TFDP2: variants seen among roughly 807,000 people sequenced by gnomAD.
TFDP2 encodes the protein transcription factor Dp-2.
A neutral mutation model predicts 59.3 loss-of-function variants in TFDP2; 17 were observed. The ratio of observed to expected loss-of-function variants is 0.29; its 90% CI spans 0.20 to 0.43. TFDP2 has a LOEUF of 0.43. Among genes scored for constraint, TFDP2 ranks in the 20% least tolerant of loss-of-function variants. TFDP2 has a pLI of 1.00. For missense variants in TFDP2, 391 were observed against 528.8 expected (o/e 0.74, Z 2.56); for synonymous variants, 180 against 194.7 (o/e 0.92, Z 0.63).
intron 3 of TFDP2, among the ~76,000 whole-genome samples, chr3:142,068,250 G>T (rs2060135475): frequency 1.3e-5 from 2 of 152,026 alleles, no homozygotes. Context: ...TCTAGACACA[G>T]ATTCTTTATA....
chr3:142,046,530 G>A (rs1024688674), intron 3 of TFDP2, among the ~76,000 whole-genome samples: 3 of 152,174 alleles, frequency 2.0e-5, no homozygotes, highest in Non-Finnish European at 4.4e-5. Context: ...AATGATAAGA[G>A]AGATGGGAGG....
rs1030292952 is a variant in TFDP2 at position 141,950,192 on chromosome 3, G to A, written c.*2321C>T. The A allele has an allele frequency of 6.6e-6, 1 of 152,068 alleles. No individual in the cohort carries two copies. Among genetic ancestry groups the A allele is most frequent in the Admixed American group, 6.6e-5 (1 of 15,250 alleles). 9.4% of individuals were successfully genotyped at this position (152,068 alleles called of 1,614,324 possible). A position where few individuals can be genotyped will look rare whatever the true frequency, so the allele number is the denominator to read the frequency against. ...TTTAGACCCAGATAAATGTTGAGGG[G>A]GAATACAGAAGAGAATTGACCTTTC... On this transcript the variant is annotated 3_prime_UTR_variant, in exon 13 of 13. Coordinates refer to ENST00000489671, the MANE Select transcript of TFDP2 (RefSeq NM_001178139.2).
At chr3:142,097,394 T>C (rs561850707) in intron 2 of TFDP2, among the ~76,000 whole-genome samples, 16 of 152,124 alleles carry the variant, frequency 1.1e-4, no homozygotes, top group Non-Finnish European at 1.5e-4. Context: ...ATAAATAACA[T>C]AAAATAGCCA....
At chr3:142,019,647 AC>A (rs55808596) in intron 3 of TFDP2, among the ~76,000 whole-genome samples, 1 of 150,202 alleles carries the variant, frequency 6.7e-6, no homozygotes, top group Non-Finnish European at 1.5e-5. Flanking sequence ...TATATTAAAC[AC>A]CCCCCCCAAC....
intron 1 of TFDP2, among the ~76,000 whole-genome samples, chr3:142,104,902 A>C (rs1430049642): frequency 6.6e-6 from 1 of 152,180 alleles, no homozygotes; most frequent in Admixed American, 6.5e-5. Flanking sequence ...TGAAGTCAGC[A>C]TCTAATAAAT....
chr3:142,085,645 C>T (rs959800684), intron 3 of TFDP2, among the ~76,000 whole-genome samples: 1 of 152,232 alleles, frequency 6.6e-6, no homozygotes, highest in South Asian at 2.1e-4. Context: ...AACTGTACAT[C>T]TGAGCGCAAG....
chr3:142,044,254 A>C, intron 3 of TFDP2: 1 of 135,256 alleles, frequency 7.4e-6, no homozygotes, highest in Non-Finnish European at 1.3e-5. Flanking sequence ...TTTTTTTTTG[A>C]GCCGGAGTCT....
At chr3:142,101,158 C>T (rs762025292) in intron 2 of TFDP2, among the ~76,000 whole-genome samples, 41 of 152,000 alleles carry the variant, frequency 2.7e-4, no homozygotes, top group Admixed American at 5.9e-4. Flanking sequence ...CATTAATAAA[C>T]AGTGACAAAT....
intron 3 of TFDP2, among the ~76,000 whole-genome samples, chr3:142,020,679 TAA>T (rs549357924): frequency 5.1e-5 from 7 of 138,434 alleles, no homozygotes; most frequent in African/African-American, 8.0e-5. Flanking sequence ...CCTTTTTCTT[TAA>T]AAAAAAAAAA....
At chr3:142,136,423 T>C (rs2062740432) in intron 1 of TFDP2, among the ~76,000 whole-genome samples, 1 of 152,126 alleles carries the variant, frequency 6.6e-6, no homozygotes, top group African/African-American at 2.4e-5. Context: ...CTCTTTAGTT[T>C]AATTAGATCC....
At chr3:142,010,916 C>A (rs1279564429) in intron 3 of TFDP2, among the ~76,000 whole-genome samples, 4 of 121,350 alleles carry the variant, frequency 3.3e-5, no homozygotes, top group African/African-American at 1.2e-4. Flanking sequence ...GTTAGAATGG[C>A]AATCATTAAA....
intron 4 of TFDP2, among the ~76,000 whole-genome samples, chr3:142,001,563 T>A (rs1283863322): frequency 6.6e-6 from 1 of 152,234 alleles, no homozygotes; most frequent in Admixed American, 6.5e-5. Context: ...AATCTCCTTA[T>A]CAAAAGGTGA....
chr3:142,020,592 C>T lies in TFDP2; in HGVS notation c.83-15048G>A, dbSNP rs538240609. Among the ~76,000 whole-genome samples, 9 of 151,256 alleles carry T rather than the reference C, an allele frequency of 6.0e-5. No homozygotes were observed. The East Asian group carries it at 1.2e-3, about 20-fold the overall frequency. On this transcript the variant is annotated intron_variant, in intron 3 of 12. Coordinates refer to ENST00000489671, the MANE Select transcript of TFDP2 (RefSeq NM_001178139.2). ...CAGGCTCTGTAGGTCAACAGCATCA[C>T]CTATGTAAATGAAATAAAAACAAAC...
chr3:141,994,902 A>T (rs1488005285), intron 5 of TFDP2, 118 bp downstream of exon 5: 2 of 829,712 alleles, frequency 2.4e-6, no homozygotes, highest in East Asian at 5.7e-5. Flanking sequence ...GTGATTTTAA[A>T]GGAAAAACAT....
intron 8 of TFDP2, among the ~76,000 whole-genome samples, chr3:141,973,659 A>G (rs1406420479): frequency 6.6e-6 from 1 of 151,722 alleles, no homozygotes; most frequent in Non-Finnish European, 1.5e-5. Flanking sequence ...TAACCAATAA[A>G]GGAAATAAAC....
At chr3:142,123,223 C>T (rs141118890) in intron 1 of TFDP2, among the ~76,000 whole-genome samples, 1 of 152,208 alleles carries the variant, frequency 6.6e-6, no homozygotes, top group African/African-American at 2.4e-5. Context: ...CAACCTCCAC[C>T]TCCTGGGTTC....
intron 3 of TFDP2, among the ~76,000 whole-genome samples, chr3:142,092,167 CCTT>C (rs1295548905): frequency 6.6e-6 from 1 of 152,170 alleles, no homozygotes; most frequent in African/African-American, 2.4e-5. Flanking sequence ...ACTTTACCCT[CCTT>C]CTCCTAGTGG....
chr3:142,018,929 G>GTTT (rs62753560), intron 3 of TFDP2, among the ~76,000 whole-genome samples: 84,776 of 124,950 alleles, frequency 0.68, 30,085 homozygotes, highest in Middle Eastern at 0.78. Context: ...TTTTTGGTGA[G>GTTT]TTTTTTTTTT....
At chr3:142,012,052 AC>A (rs1339149014) in intron 3 of TFDP2, among the ~76,000 whole-genome samples, 1 of 140,048 alleles carries the variant, frequency 7.1e-6, no homozygotes, top group Non-Finnish European at 1.5e-5. Context: ...TCGCTCTGTC[AC>A]CCAGGCTGGA....
Sources: gnomAD v4.1 joint callset for allele counts (sites outside exome capture counted in the v4.1 genomes callset) on GRCh38, gnomAD v4.1.1 for gene constraint, MANE v1.5 for transcripts, NCBI Gene and HGNC (gene_info 2026-07-23, HGNC 2026-07-21) for gene names.